The following LRRTM4 variants were observed in gnomAD, a reference collection of about 807,000 sequenced individuals.
LRRTM4 encodes the protein leucine-rich repeat transmembrane neuronal protein 4.
In LRRTM4, 25 loss-of-function variants were observed where a neutral mutation model predicts 47.6. The ratio of observed to expected loss-of-function variants is 0.53; its 90% CI spans 0.38 to 0.73. The LOEUF (loss-of-function observed/expected upper bound fraction) is 0.73. Ranked by LOEUF, LRRTM4 falls within the 30% of genes least tolerant of loss-of-function variation. The pLI is 0.00. For synonymous variants in LRRTM4, 311 were observed against 269.5 expected, an observed-to-expected ratio of 1.15 and a Z score of -1.51; for missense variants, 638 against 713.4, an observed-to-expected ratio of 0.89 and a Z score of 1.20.
intron 3 of LRRTM4, among the ~76,000 whole-genome samples, chr2:76,966,034 C>T (rs1037459210): frequency 6.6e-6 from 1 of 151,394 alleles, no homozygotes; most frequent in South Asian, 2.1e-4. Flanking sequence ...GGCTACAAAT[C>T]GTTCCTATCA....
intron 3 of LRRTM4, among the ~76,000 whole-genome samples, chr2:77,147,475 G>C (rs986750165): frequency 2.0e-5 from 3 of 152,134 alleles, no homozygotes; most frequent in African/African-American, 7.2e-5. Flanking sequence ...GAAAAGATCT[G>C]TCATGTACAT....
intron 3 of LRRTM4, among the ~76,000 whole-genome samples, chr2:76,906,861 C>A: frequency 1.3e-5 from 2 of 148,332 alleles, no homozygotes; most frequent in Non-Finnish European, 1.5e-5. Flanking sequence ...TCCTGAGTGA[C>A]CTACAAAGAG....
chr2:76,797,965 G>GCAAGT (rs1214963702), intron 3 of LRRTM4, among the ~76,000 whole-genome samples: 1 of 149,064 alleles, frequency 6.7e-6, no homozygotes, highest in African/African-American at 2.5e-5. Flanking sequence ...GATTCATAAA[G>GCAAGT]CAAGTCCTGA....
At chr2:77,367,578 A>G (rs767139665) in intron 3 of LRRTM4, among the ~76,000 whole-genome samples, 14 of 151,742 alleles carry the variant, frequency 9.2e-5, no homozygotes, top group Non-Finnish European at 1.9e-4. Context: ...ACTCTTGGAA[A>G]CTGTGTTTCA....
chr2:77,409,847 G>T (rs1486623948), intron 3 of LRRTM4, among the ~76,000 whole-genome samples: 1 of 152,150 alleles, frequency 6.6e-6, no homozygotes, highest in Non-Finnish European at 1.5e-5. Context: ...ACCTTCTCGT[G>T]AAGCTCTTCT....
chr2:76,822,463 G>A (rs1422280630), intron 3 of LRRTM4, among the ~76,000 whole-genome samples: 1 of 151,308 alleles, frequency 6.6e-6, no homozygotes, highest in African/African-American at 2.4e-5. Context: ...AACTAGTAAT[G>A]TTAATGAATC....
At chr2:77,237,657 A>G (rs769351312) in intron 3 of LRRTM4, among the ~76,000 whole-genome samples, 3 of 152,124 alleles carry the variant, frequency 2.0e-5, no homozygotes, top group Non-Finnish European at 2.9e-5. Flanking sequence ...GTGATCCTCC[A>G]CCAAGTTTAT....
At chr2:77,097,095 A>G (rs558027729) in intron 3 of LRRTM4, among the ~76,000 whole-genome samples, 117 of 151,966 alleles carry the variant, frequency 7.7e-4, no homozygotes, top group African/African-American at 2.0e-3. Context: ...CAATAGTATT[A>G]TCAGATTAAA....
chr2:76,835,967 G>A (rs2103912925), intron 3 of LRRTM4, among the ~76,000 whole-genome samples: 1 of 152,058 alleles, frequency 6.6e-6, no homozygotes, highest in African/African-American at 2.4e-5. Context: ...CTAAATGATA[G>A]TAGAACCTCT....
intron 3 of LRRTM4, among the ~76,000 whole-genome samples, chr2:76,846,433 G>T (rs1190425240): frequency 1.3e-5 from 2 of 152,024 alleles, no homozygotes; most frequent in East Asian, 1.9e-4. Context: ...TTATTAAAAT[G>T]GATCAAAATT....
At chr2:76,750,779 T>C (rs1304868808) in intron 3 of LRRTM4, among the ~76,000 whole-genome samples, 1 of 152,208 alleles carries the variant, frequency 6.6e-6, no homozygotes, top group Non-Finnish European at 1.5e-5. Context: ...ATGTGATTAA[T>C]ACAACGTTGA....
chr2:77,244,178 C>T (rs1283472585), intron 3 of LRRTM4, among the ~76,000 whole-genome samples: 4 of 138,566 alleles, frequency 2.9e-5, no homozygotes, highest in Non-Finnish European at 6.1e-5. Flanking sequence ...CATTGTTGGA[C>T]ATTTGGGTTG....
At chr2:77,221,859 A>G (rs1358039673) in intron 3 of LRRTM4, among the ~76,000 whole-genome samples, 1 of 152,136 alleles carries the variant, frequency 6.6e-6, no homozygotes, top group African/African-American at 2.4e-5. Flanking sequence ...AGCAGACCTA[A>G]TAGACATCTA....
At chr2:77,328,748 G>T (rs1239366432) in intron 3 of LRRTM4, among the ~76,000 whole-genome samples, 1 of 152,164 alleles carries the variant, frequency 6.6e-6, no homozygotes, top group East Asian at 1.9e-4. Context: ...AACTCAGCAG[G>T]TGATTTATTC....
chr2:76,895,673 A>G (rs1460404228), intron 3 of LRRTM4, among the ~76,000 whole-genome samples: 2 of 151,978 alleles, frequency 1.3e-5, no homozygotes, highest in Non-Finnish European at 2.9e-5. Context: ...TAAGACAACA[A>G]TCTGTGCCTT....
chr2:77,164,291 GAGCACCC>G (rs1672817237), intron 3 of LRRTM4, among the ~76,000 whole-genome samples: 1 of 152,080 alleles, frequency 6.6e-6, no homozygotes, highest in African/African-American at 2.4e-5. Context: ...CCCAATACAG[GAGCACCC>G]AGATTCATAA....
intron 3 of LRRTM4, among the ~76,000 whole-genome samples, chr2:77,492,000 T>G (rs1678184493): frequency 1.4e-5 from 2 of 143,532 alleles, no homozygotes; most frequent in African/African-American, 4.9e-5. Flanking sequence ...AAAATCATAT[T>G]ATAAAACATA....
Position 76,902,758 on chromosome 2 carries a change from T to C in LRRTM4, c.1552-153842A>G, listed in dbSNP as rs139311195. Among the ~76,000 whole-genome samples the C allele has an allele frequency of 8.9e-4, 135 of 152,312 alleles. 1 individual carries two copies. Among genetic ancestry groups the C allele is most frequent in the East Asian group, 7.7e-3 (40 of 5,172 alleles). On this transcript the variant is annotated intron_variant, in intron 3 of 3. Coordinates refer to ENST00000409884, the MANE Select transcript of LRRTM4 (RefSeq NM_001134745.3). ...ACCATTTTATTTTTCACTGAGCACT[T>C]GTCTAGAATCAAACTGCCCTAGTTT...
intron 3 of LRRTM4, among the ~76,000 whole-genome samples, chr2:77,022,038 T>C (rs988048260): frequency 2.0e-5 from 3 of 152,086 alleles, no homozygotes; most frequent in African/African-American, 7.2e-5. Context: ...GATAAAGACA[T>C]ACCCGAGACT....
Sources: gnomAD v4.1 joint callset for allele counts (sites outside exome capture counted in the v4.1 genomes callset) on GRCh38, gnomAD v4.1.1 for gene constraint, MANE v1.5 for transcripts, NCBI Gene and HGNC (gene_info 2026-07-23, HGNC 2026-07-21) for gene names.